The following ATP11A variants were observed in gnomAD, a reference collection of about 807,000 sequenced individuals.
The protein encoded by ATP11A is phospholipid-transporting ATPase IH.
In ATP11A, 81 loss-of-function variants were observed where a neutral mutation model predicts 154.4. The ratio of observed to expected loss-of-function variants is 0.52; its 90% CI spans 0.44 to 0.63. The LOEUF (loss-of-function observed/expected upper bound fraction) is 0.63, where lower values mean the gene tolerates loss of function less well. Among genes scored for constraint, ATP11A ranks in the 30% least tolerant of loss-of-function variants. The probability of loss-of-function intolerance (pLI) is 0.00; values close to 1 mark genes in which losing one functional copy is unlikely to be tolerated. For synonymous variants in ATP11A, 623 were observed against 585.9 expected (o/e 1.06, Z -0.91); for missense variants, 1,316 against 1,474.3 (o/e 0.89, Z 1.76).
chr13:112,803,939 C>A (rs991016719), intron 2 of ATP11A, among the ~76,000 whole-genome samples: 2 of 79,040 alleles, frequency 2.5e-5, no homozygotes, highest in Non-Finnish European at 5.0e-5. Flanking sequence ...CTCTGCCCTC[C>A]TTCCCCTCCT....
intron 2 of ATP11A, among the ~76,000 whole-genome samples, chr13:112,795,339 G>C (rs892477533): frequency 2.0e-5 from 3 of 152,232 alleles, no homozygotes; most frequent in African/African-American, 7.2e-5. Flanking sequence ...AAGGATTGCA[G>C]ATCATATTTT....
rs186520570 is a variant in ATP11A, at chr13:112,836,084, C to T, written c.1632-94C>T. On this transcript the variant is annotated intron_variant, in intron 15 of 29. Transcript: ENST00000375645. ...TCCCCTGAGGAAGGGCCAGGGCTGC[C>T]CCAGCCATTCTGCTGTGGAGAGCTC... 8.8e-5 allele frequency: 80 copies of T among 905,020 alleles called. No homozygotes were observed. In the East Asian group the frequency reaches 2.0e-3, roughly 22 times the overall value. 56.1% of individuals were successfully genotyped at this position (905,020 alleles called of 1,614,324 possible).
intron 1 of ATP11A, among the ~76,000 whole-genome samples, chr13:112,692,740 G>A (rs545423858): frequency 1.3e-5 from 2 of 152,238 alleles, no homozygotes; most frequent in East Asian, 3.9e-4. Context: ...TACACACAGA[G>A]CCATTCATCT....
chr13:112,866,314 A>G (rs2080330662), intron 25 of ATP11A, among the ~76,000 whole-genome samples: 1 of 152,136 alleles, frequency 6.6e-6, no homozygotes, highest in South Asian at 2.1e-4. Flanking sequence ...CACACACCCC[A>G]GAGCTAGCTC....
At position 112,690,424 on chromosome 13, in the gene ATP11A, G is replaced by A. The variant is rs1488224636; in HGVS notation, c.8G>A (p.Cys3Tyr). 2 of 1,340,664 alleles carry A rather than the reference G, an allele frequency of 1.5e-6. No individual in the cohort carries two copies. Among genetic ancestry groups the A allele is most frequent in the South Asian group, 2.1e-5 (1 of 47,878 alleles). 83.0% of individuals were successfully genotyped at this position (1,340,664 alleles called of 1,614,324 possible). The change falls in exon 1 of 30, where the codon TGC (cysteine) becomes TAC (tyrosine). Residue 3 changes from cysteine (C) to tyrosine (Y), a missense_variant. By Grantham distance (194) the Cys-to-Tyr change is radical. Around this residue, in one of 5 missense-constraint regions of ATP11A, gnomAD observed 123 missense variants for 113.7 expected, o/e 1.08. Transcript: ENST00000375645. This position sits in a 1 kb window ranked among gnomAD's most constrained non-coding sequence, Gnocchi z 5.6. ...GGAGCGGCCGGAGGAGCCATGGACT[G>A]CAGCCTCGTGCGGACGCTCGTGCAC... Reference protein sequence around the residue: MDCSLVRTLVHRY... With the variant: MDYSLVRTLVHRY...
At position 112,702,032 on chromosome 13, in the gene ATP11A, G is replaced by A. The variant is rs75476387; in HGVS notation, c.39+11577G>A. Among the ~76,000 whole-genome samples, 1,357 of 151,846 alleles carry A rather than the reference G, an allele frequency of 8.9e-3. 20 individuals are homozygous for A. Among genetic ancestry groups the A allele is most frequent in the African/African-American group, 0.031 (1,301 of 41,382 alleles). ...GTTGCTAGTAGCAGTTCCTCCTCTTGTCACAGAGTGTGCAAAAACACTCTT... is the reference window on the plus strand; with the variant it reads ...GTTGCTAGTAGCAGTTCCTCCTCTTATCACAGAGTGTGCAAAAACACTCTT... On this transcript the variant is annotated intron_variant, in intron 1 of 29. Transcript: ENST00000375645.
At position 112,875,888 on chromosome 13, in the gene ATP11A, C is replaced by A; in HGVS notation, c.3274C>A (p.Leu1092Ile). ...GACCATCAGCCTCCTTCCCGACGTC[C>A]TCAAGAAAGTCCTGTGCCGGCAGCT... The part of the protein sequence containing the change: ...LVTISLLPDV[L>I]KKVLCRQLWP... Residue 1092 changes from leucine (L) to isoleucine (I), a missense_variant, in exon 28 of 30, where the codon CTC becomes ATC. Leu to Ile is a conservative substitution (Grantham distance 5). Transcript: ENST00000375645. This position sits in a 1 kb window ranked among gnomAD's most constrained non-coding sequence, Gnocchi z 4.1. 6.2e-7 allele frequency: 1 copy of A among 1,613,664 alleles called. No homozygotes were observed. The highest frequency in any genetic ancestry group is 8.5e-7 in the Non-Finnish European group (1 of 1,180,026).
chr13:112,711,339 C>T (rs1347599322), intron 1 of ATP11A, among the ~76,000 whole-genome samples: 2 of 152,206 alleles, frequency 1.3e-5, no homozygotes, highest in African/African-American at 4.8e-5. Context: ...TGGTGATGCA[C>T]ACCTGTGGTC....
chr13:112,827,040 G>GAT (rs2078952226), intron 12 of ATP11A, 149 bp downstream of exon 12: 1 of 745,332 alleles, frequency 1.3e-6, no homozygotes, highest in East Asian at 2.7e-5. Context: ...CCCTATTTAT[G>GAT]AAACAGTCAG....
chr13:112,698,027 A>G (rs1385429518), intron 1 of ATP11A, among the ~76,000 whole-genome samples: 1 of 152,158 alleles, frequency 6.6e-6, no homozygotes, highest in Non-Finnish European at 1.5e-5. Context: ...TGCCCCTGCT[A>G]AAGTTAAGAC....
Position 112,859,540 on chromosome 13 carries a change from G to T in ATP11A, c.2727+88G>T. The T allele has an allele frequency of 8.8e-7, 1 of 1,132,104 alleles. No homozygotes were observed. The highest frequency in any genetic ancestry group is 1.2e-5 in the South Asian group (1 of 81,398). 70.1% of individuals were successfully genotyped at this position (1,132,104 alleles called of 1,614,324 possible). A position where few individuals can be genotyped will look rare whatever the true frequency, so the allele number is the denominator to read the frequency against. On this transcript the variant is annotated intron_variant, in intron 23 of 29. Coordinates refer to ENST00000375645, the MANE Select transcript of ATP11A (RefSeq NM_015205.3). This position sits in a 1 kb window ranked among gnomAD's most constrained non-coding sequence, Gnocchi z 4.3. ...GCTGCTGTGGGGAGGGGAGACTTGG[G>T]AATGAGCAGCACTCCCCGGCACCAC...
chr13:112,806,310 C>A lies in ATP11A; in HGVS notation c.333+17C>A. 6.3e-7 allele frequency: 1 copy of A among 1,591,974 alleles called. No individual in the cohort carries two copies. The highest frequency in any genetic ancestry group is 1.7e-5 in the Admixed American group (1 of 58,430). On this transcript the variant is annotated intron_variant, in intron 4 of 29. Transcript: ENST00000375645. ...ATCAAACAGGTAAGCATTTTACAGA[C>A]GAAAAAGAAGCAATCGTCATCTTCA...
chr13:112,739,884 C>A (rs1173109041), intron 1 of ATP11A, among the ~76,000 whole-genome samples: 1 of 152,110 alleles, frequency 6.6e-6, no homozygotes, highest in Non-Finnish European at 1.5e-5. Flanking sequence ...TAAAAGGCCA[C>A]ACGTTGTATG....
At chr13:112,811,295 C>T (rs1427904809) in intron 5 of ATP11A, among the ~76,000 whole-genome samples, 2 of 151,550 alleles carry the variant, frequency 1.3e-5, no homozygotes, top group Non-Finnish European at 2.9e-5. Flanking sequence ...CTCCCTCTGC[C>T]GGCATCCCAT....
At chr13:112,803,796 A>ATTCCCCTCCCTGCCTTC (rs2078210960) in intron 2 of ATP11A, among the ~76,000 whole-genome samples, 1 of 83,230 alleles carries the variant, frequency 1.2e-5, no homozygotes, top group Non-Finnish European at 2.3e-5. Flanking sequence ...TCCCTGCCTT[A>ATTCCCCTCCCTGCCTTC]CTTCCCCTCC....
intron 10 of ATP11A, among the ~76,000 whole-genome samples, chr13:112,824,812 A>C (rs1303058535): frequency 6.6e-6 from 1 of 152,246 alleles, no homozygotes; most frequent in Non-Finnish European, 1.5e-5. Context: ...GGAAAGCGTT[A>C]GCAGAGAGAA....
At chr13:112,872,209 A>G (rs910223206) in intron 26 of ATP11A, among the ~76,000 whole-genome samples, 1 of 152,190 alleles carries the variant, frequency 6.6e-6, no homozygotes, top group Non-Finnish European at 1.5e-5. Flanking sequence ...TATACAGAAT[A>G]TATCATTATG....
intron 1 of ATP11A, among the ~76,000 whole-genome samples, chr13:112,731,924 G>T (rs367830144): frequency 1.2e-4 from 17 of 141,360 alleles, no homozygotes; most frequent in African/African-American, 3.4e-4. Flanking sequence ...ACTAGATGGT[G>T]GAGAAATGGG....
At chr13:112,724,621 C>T (rs1889609420) in intron 1 of ATP11A, among the ~76,000 whole-genome samples, 1 of 152,070 alleles carries the variant, frequency 6.6e-6, no homozygotes, top group South Asian at 2.1e-4. Flanking sequence ...TCCAGTGTCT[C>T]CCTTCTCCCC....
Sources: allele counts gnomAD v4.1 joint callset (sites outside exome capture counted in the v4.1 genomes callset), GRCh38; gene constraint gnomAD v4.1.1; regional missense constraint gnomAD v4.1.1; non-coding constraint Gnocchi (gnomAD v3.1); transcripts MANE v1.5; gene names NCBI Gene and HGNC (gene_info 2026-07-23, HGNC 2026-07-21).